KIRREL1: variants seen among roughly 807,000 people sequenced by gnomAD.
The protein encoded by KIRREL1 is kin of IRRE-like protein 1.
A neutral mutation model predicts 83.3 loss-of-function variants in KIRREL1; 25 were observed. The ratio of observed to expected loss-of-function variants is 0.30; its 90% CI spans 0.22 to 0.42. KIRREL1 has a LOEUF of 0.42. Among genes scored for constraint, KIRREL1 ranks in the 10% least tolerant of loss-of-function variants. KIRREL1 has a pLI of 1.00. For missense variants in KIRREL1, 812 were observed against 1,032.3 expected, an observed-to-expected ratio of 0.79 and a Z score of 2.92; for synonymous variants, 388 against 410.4, an observed-to-expected ratio of 0.95 and a Z score of 0.66.
Position 158,034,740 on chromosome 1 carries a change from G to A in KIRREL1, c.52+41012G>A, listed in dbSNP as rs543717680. The stretch of plus-strand genomic sequence containing the variant: ...TATTTCTTGCTAATTCCATCTTAGC[G>A]CAGTTACTTAGGCAATAGGGGTTGA... On this transcript the variant is annotated intron_variant, in intron 1 of 14. Coordinates refer to ENST00000359209, the MANE Select transcript of KIRREL1 (RefSeq NM_018240.7). Among the ~76,000 whole-genome samples the A allele has an allele frequency of 3.3e-5, 5 of 152,252 alleles. No individual in the cohort carries two copies. The East Asian group carries it at 7.7e-4, about 23-fold the overall frequency.
chr1:158,079,940 TA>T (rs1661799640), intron 3 of KIRREL1, among the ~76,000 whole-genome samples: 1 of 152,184 alleles, frequency 6.6e-6, no homozygotes, highest in Non-Finnish European at 1.5e-5. Flanking sequence ...TCATTGGATG[TA>T]AAGGCCCTGA....
intron 4 of KIRREL1, among the ~76,000 whole-genome samples, chr1:158,084,983 C>T (rs1202944132): frequency 2.6e-5 from 4 of 152,192 alleles, no homozygotes; most frequent in Non-Finnish European, 4.4e-5. Flanking sequence ...CAAGGTCACA[C>T]AGCTGGCACA....
chr1:158,044,081 A>G (rs1026596233), intron 1 of KIRREL1, among the ~76,000 whole-genome samples: 3 of 152,164 alleles, frequency 2.0e-5, no homozygotes, highest in Non-Finnish European at 4.4e-5. Flanking sequence ...CTGGATGCCA[A>G]CCGCATACCA....
At chr1:158,002,196 G>A (rs1659379835) in intron 1 of KIRREL1, among the ~76,000 whole-genome samples, 1 of 152,192 alleles carries the variant, frequency 6.6e-6, no homozygotes, top group South Asian at 2.1e-4. Flanking sequence ...AGATAAAGAT[G>A]CCTGGAGGCA....
chr1:158,047,231 C>T (rs550641010), intron 1 of KIRREL1, among the ~76,000 whole-genome samples: 2 of 152,280 alleles, frequency 1.3e-5, no homozygotes, highest in South Asian at 4.1e-4. Context: ...TATTGAATGC[C>T]TGCTGCATGT....
intron 1 of KIRREL1, among the ~76,000 whole-genome samples, chr1:158,047,335 C>G (rs1660802965): frequency 6.6e-6 from 1 of 152,076 alleles, no homozygotes; most frequent in South Asian, 2.1e-4. Context: ...AATGATTGTG[C>G]CATGTGGAAA....
intron 1 of KIRREL1, among the ~76,000 whole-genome samples, chr1:158,065,231 C>T (rs1570968901): frequency 6.6e-6 from 1 of 152,154 alleles, no homozygotes; most frequent in African/African-American, 2.4e-5. Flanking sequence ...GGGTCTGGGA[C>T]AAGCCTGCAT....
intron 1 of KIRREL1, among the ~76,000 whole-genome samples, chr1:158,057,660 C>T (rs1661102185): frequency 1.3e-5 from 2 of 152,182 alleles, no homozygotes; most frequent in South Asian, 4.1e-4. Context: ...TTCCCGATTG[C>T]TCCCACTCAA....
At chr1:157,997,234 A>G (rs1012573719) in intron 1 of KIRREL1, among the ~76,000 whole-genome samples, 3 of 152,170 alleles carry the variant, frequency 2.0e-5, no homozygotes, top group Non-Finnish European at 4.4e-5. Flanking sequence ...TGAACAAGTC[A>G]TGTACATTCC....
chr1:158,042,295 C>A (rs540780815), intron 1 of KIRREL1, among the ~76,000 whole-genome samples: 5 of 151,328 alleles, frequency 3.3e-5, no homozygotes, highest in African/African-American at 9.7e-5. Context: ...GGTGAACGTG[C>A]AGGTAAGGGG....
intron 1 of KIRREL1, among the ~76,000 whole-genome samples, chr1:158,035,850 A>G (rs1660462353): frequency 6.6e-6 from 1 of 152,208 alleles, no homozygotes; most frequent in Non-Finnish European, 1.5e-5. Context: ...AGTAGTGTCA[A>G]TAATTTGGGA....
chr1:158,093,613 C>A lies in KIRREL1; in HGVS notation c.1580-10C>A, dbSNP rs1662264820. On this transcript the variant is annotated splice_polypyrimidine_tract_variant and intron_variant, in intron 12 of 14. Coordinates refer to ENST00000359209, the MANE Select transcript of KIRREL1 (RefSeq NM_018240.7). ...GAAGCACTTGTTCCAGGCTGCCTCT[C>A]CCGTCCCAGGTCGCAAAGACGTGAC... The A allele has an allele frequency of 1.9e-6, 3 of 1,614,074 alleles. No individual in the cohort carries two copies. Among genetic ancestry groups the A allele is most frequent in the Admixed American group, 1.7e-5 (1 of 60,028 alleles).
intron 1 of KIRREL1, among the ~76,000 whole-genome samples, chr1:158,004,938 T>C (rs536542451): frequency 6.6e-6 from 1 of 152,324 alleles, no homozygotes; most frequent in Admixed American, 6.5e-5. Context: ...AGCAAGACTC[T>C]GTCTCAAAAA....
chr1:158,030,144 G>T (rs1294654988), intron 1 of KIRREL1, among the ~76,000 whole-genome samples: 1 of 152,188 alleles, frequency 6.6e-6, no homozygotes, highest in Non-Finnish European at 1.5e-5. Context: ...AAAGTGGTGG[G>T]ACTAGAACCC....
intron 1 of KIRREL1, among the ~76,000 whole-genome samples, chr1:157,995,867 T>G (rs1571520620): frequency 7.1e-6 from 1 of 141,006 alleles, no homozygotes. Context: ...CACTAGTGAG[T>G]GTTGGGGGAA....
At position 157,994,653 on chromosome 1, in the gene KIRREL1, GT is replaced by G. The variant is rs367732548; in HGVS notation, c.52+926del. On this transcript the variant is annotated intron_variant, in intron 1 of 14. Transcript: ENST00000359209. ...GTGGGAGTTGGTTCTTGCCTCCCAGGTCTGACTCTAAGGAAGACTGAATCCT... is the reference window on the plus strand; with the variant it reads ...GTGGGAGTTGGTTCTTGCCTCCCAGGCTGACTCTAAGGAAGACTGAATCCT... Among the ~76,000 whole-genome samples the G allele has an allele frequency of 4.3e-3, 656 of 152,078 alleles. 7 individuals are homozygous for G. Among genetic ancestry groups the G allele is most frequent in the African/African-American group, 0.015 (609 of 41,452 alleles).
Position 158,063,454 on chromosome 1 carries a change from G to A in KIRREL1, c.53-12659G>A, listed in dbSNP as rs77496043. On this transcript the variant is annotated intron_variant, in intron 1 of 14. Coordinates refer to ENST00000359209, the MANE Select transcript of KIRREL1 (RefSeq NM_018240.7). ...CCACATCATTGCCCCCCATCAAGTC[G>A]GCCCTGATTTCATCTCATCAGCATG... Among the ~76,000 whole-genome samples the A allele has an allele frequency of 3.2e-3, 485 of 152,204 alleles. 10 individuals carry two copies. The East Asian group carries it at 0.058, about 18-fold the overall frequency.
intron 11 of KIRREL1, among the ~76,000 whole-genome samples, chr1:158,092,503 A>C (rs1047934001): frequency 6.6e-6 from 1 of 151,958 alleles, no homozygotes; most frequent in African/African-American, 2.4e-5. Context: ...ACCCGCCACT[A>C]CGCCCGGCTA....
In KIRREL1 at chr1:158,042,307, G is replaced by A. The variant is rs1482365933; in HGVS notation, c.53-33806G>A. ...CCAGGTGAACGTGCAGGTAAGGGGG[G>A]CCCGGCCTAGATGCTCCCGGCACCA... On this transcript the variant is annotated intron_variant, in intron 1 of 14. Transcript: ENST00000359209. 3.9e-5 allele frequency among the ~76,000 whole-genome samples: 6 copies of A among 151,906 alleles called. No homozygotes were observed. In the South Asian group the frequency reaches 8.3e-4, roughly 21 times the overall value.
Sources: allele counts gnomAD v4.1 joint callset (sites outside exome capture counted in the v4.1 genomes callset), GRCh38; gene constraint gnomAD v4.1.1; transcripts MANE v1.5; gene names NCBI Gene and HGNC (gene_info 2026-07-23, HGNC 2026-07-21).